KIF16B: variants seen among roughly 807,000 people sequenced by gnomAD.
The protein encoded by KIF16B is kinesin family member 16B.
KIF16B carries 98 observed loss-of-function variants against 156.3 expected under a neutral mutation model. The ratio of observed to expected loss-of-function variants is 0.63; its 90% confidence interval spans 0.53 to 0.74. KIF16B has a LOEUF of 0.74. KIF16B is among the 30% of genes least tolerant of loss of function. The pLI, the probability that KIF16B is intolerant of heterozygous loss-of-function variation, is 0.00. For missense variants in KIF16B, 1,421 were observed against 1,606.5 expected (o/e 0.88, Z 1.97); for synonymous variants, 564 against 583.7 (o/e 0.97, Z 0.49).
In KIF16B at chr20:16,273,001, T is replaced by C; in HGVS notation, c.*252A>G. 1 of 439,134 alleles carries C rather than the reference T, an allele frequency of 2.3e-6. No homozygotes were observed. The highest frequency in any genetic ancestry group is 3.8e-5 in the Admixed American group (1 of 26,458). The allele number at this position is 439,134 out of a possible 1,614,324, so 27.2% of individuals were successfully genotyped here. ...GCTGCGCAGTGAGAAGGAAGCACTG[T>C]GGGAAAAGGCCACGTTCAACCGCAA... On this transcript the variant is annotated 3_prime_UTR_variant, in exon 26 of 26. Coordinates refer to ENST00000354981, the MANE Select transcript of KIF16B (RefSeq NM_024704.5).
At chr20:16,562,449 G>C (rs937914307) in intron 1 of KIF16B, among the ~76,000 whole-genome samples, 1 of 152,300 alleles carries the variant, frequency 6.6e-6, no homozygotes, top group East Asian at 1.9e-4. Flanking sequence ...CCCAATAGGA[G>C]GATTGTCAAG....
chr20:16,461,388 C>G (rs956855769), intron 12 of KIF16B, among the ~76,000 whole-genome samples: 7 of 151,960 alleles, frequency 4.6e-5, no homozygotes, highest in Admixed American at 2.0e-4. Context: ...AAAAATAAAT[C>G]AACATGTAGA....
In KIF16B at chr20:16,512,858, T is replaced by C. The variant is rs761003725; in HGVS notation, c.414A>G (p.Arg138=). 1 of 1,613,940 alleles carries C rather than the reference T, an allele frequency of 6.2e-7. No individual in the cohort carries two copies. The highest frequency in any genetic ancestry group is 8.5e-7 in the Non-Finnish European group (1 of 1,179,812). Residue 138 remains arginine, a synonymous_variant, in exon 5 of 26, where the codon AGA becomes AGG. Transcript: ENST00000354981. The part of the protein sequence containing the change: ...GLFSRINETT[R]WDEASFRTEV... ...CAGTTCGAAAAGAAGCTTCATCCCA[T>C]CTGGTGGTTTCATTTATCCGACTGA...
intron 23 of KIF16B, among the ~76,000 whole-genome samples, chr20:16,355,027 T>G (rs919948465): frequency 1.8e-5 from 2 of 112,758 alleles, no homozygotes; most frequent in East Asian, 2.0e-4. Flanking sequence ...TGATGCCCTG[T>G]TTTTTTTTTT....
At chr20:16,515,087 A>G (rs1600596066) in intron 4 of KIF16B, among the ~76,000 whole-genome samples, 1 of 152,020 alleles carries the variant, frequency 6.6e-6, no homozygotes, top group East Asian at 1.9e-4. Flanking sequence ...AATTATATAA[A>G]CTATATAATT....
intron 24 of KIF16B, among the ~76,000 whole-genome samples, chr20:16,323,302 T>C (rs1042087928): frequency 1.3e-5 from 2 of 151,998 alleles, no homozygotes; most frequent in African/African-American, 2.4e-5. Flanking sequence ...CCCACCTACA[T>C]GGTAACTAGC....
At chr20:16,467,965 CAAAG>C (rs1019245615) in intron 12 of KIF16B, among the ~76,000 whole-genome samples, 2 of 151,812 alleles carry the variant, frequency 1.3e-5, no homozygotes, top group African/African-American at 4.8e-5. Context: ...AAAACAGAAA[CAAAG>C]AACAAGATAA....
chr20:16,399,277 G>A (rs2065589763), intron 17 of KIF16B, among the ~76,000 whole-genome samples: 2 of 152,126 alleles, frequency 1.3e-5, no homozygotes. Flanking sequence ...TGGGAGCACA[G>A]GTCTGGGGTG....
rs987911744 is a variant in KIF16B at position 16,405,032 on chromosome 20, C to A, written c.1696-131G>T. On this transcript the variant is annotated intron_variant, in intron 16 of 25. Coordinates refer to ENST00000354981, the MANE Select transcript of KIF16B (RefSeq NM_024704.5). Reference sequence around the variant, plus strand: ...CCTAATTAACACGCACCACAATTAACTGGTCTATCTGAGGAAAGCAGATCA... The same window carrying A: ...CCTAATTAACACGCACCACAATTAAATGGTCTATCTGAGGAAAGCAGATCA... 19 of 655,888 alleles carry A rather than the reference C, an allele frequency of 2.9e-5. No individual in the cohort carries two copies. The African/African-American group carries it at 3.2e-4, about 11-fold the overall frequency. The allele number at this position is 655,888 out of a possible 1,614,324, so 40.6% of individuals were successfully genotyped here.
At chr20:16,338,266 C>T (rs966172001) in intron 23 of KIF16B, among the ~76,000 whole-genome samples, 18 of 152,242 alleles carry the variant, frequency 1.2e-4, no homozygotes, top group Admixed American at 4.6e-4. Context: ...GGATGGCGGT[C>T]GATACTCTTG....
intron 22 of KIF16B, chr20:16,368,001 T>C (rs2064719479): frequency 7.0e-7 from 1 of 1,425,344 alleles, no homozygotes; most frequent in Non-Finnish European, 9.1e-7. Context: ...CCAAAGCATA[T>C]AAAGTTGACT....
rs1417845272 is a variant in KIF16B, at chr20:16,434,231, G to A, written c.1303-4249C>T. Among the ~76,000 whole-genome samples, 3 of 152,174 alleles carry A rather than the reference G, an allele frequency of 2.0e-5. No homozygotes were observed. The East Asian group carries it at 5.8e-4, about 29-fold the overall frequency. ...GAATTTAAAACACATGCCCTTTGCTGGGACTCTCACAGACTCACTTCTGCC... is the reference window on the plus strand; with the variant it reads ...GAATTTAAAACACATGCCCTTTGCTAGGACTCTCACAGACTCACTTCTGCC... On this transcript the variant is annotated intron_variant, in intron 12 of 25. Coordinates refer to ENST00000354981, the MANE Select transcript of KIF16B (RefSeq NM_024704.5).
chr20:16,504,976 C>T (rs942982652), intron 9 of KIF16B, among the ~76,000 whole-genome samples: 2 of 152,112 alleles, frequency 1.3e-5, no homozygotes, highest in African/African-American at 4.8e-5. Flanking sequence ...ACAAATCTAT[C>T]CATTCTCTTC....
intron 24 of KIF16B, among the ~76,000 whole-genome samples, chr20:16,334,051 C>T (rs545986541): frequency 3.3e-5 from 5 of 152,318 alleles, no homozygotes; most frequent in African/African-American, 1.2e-4. Flanking sequence ...TCTTGTCTGT[C>T]ACAGTCTTAC....
At chr20:16,564,723 C>A (rs35610860) in intron 1 of KIF16B, among the ~76,000 whole-genome samples, 1 of 151,676 alleles carries the variant, frequency 6.6e-6, no homozygotes, top group African/African-American at 2.4e-5. Context: ...CTTAGATGAA[C>A]GGAAATGAGG....
chr20:16,373,999 A>G (rs1005919747), intron 20 of KIF16B, among the ~76,000 whole-genome samples: 6 of 152,204 alleles, frequency 3.9e-5, no homozygotes, highest in African/African-American at 1.4e-4. Context: ...TCCTCTGCAG[A>G]TATCAAGGGA....
chr20:16,536,455 T>G (rs973263846), intron 1 of KIF16B, among the ~76,000 whole-genome samples: 1 of 152,170 alleles, frequency 6.6e-6, no homozygotes, highest in Non-Finnish European at 1.5e-5. Flanking sequence ...TTAACAACAA[T>G]GTATTGTGGT....
In KIF16B at chr20:16,288,629, G is replaced by A. The variant is rs947835372; in HGVS notation, c.3796-15218C>T. 2.0e-3 allele frequency among the ~76,000 whole-genome samples: 297 copies of A among 149,350 alleles called. 1 individual carries two copies. Among genetic ancestry groups the A allele is most frequent in the African/African-American group, 7.1e-3 (283 of 40,038 alleles). On this transcript the variant is annotated intron_variant, in intron 25 of 25. Transcript: ENST00000354981. Reference sequence around the variant, plus strand: ...AAGTGGAAGAGCATCTGTATGGTATGTACCTTAGTAAACACAGTATGTACT... The same window carrying A: ...AAGTGGAAGAGCATCTGTATGGTATATACCTTAGTAAACACAGTATGTACT...
chr20:16,470,278 T>C (rs1390202048), intron 12 of KIF16B, among the ~76,000 whole-genome samples: 2 of 152,172 alleles, frequency 1.3e-5, no homozygotes, highest in Non-Finnish European at 2.9e-5. Flanking sequence ...TTTATACATT[T>C]GTCAAAATTC....
Sources: allele counts gnomAD v4.1 joint callset (sites outside exome capture counted in the v4.1 genomes callset), GRCh38; gene constraint gnomAD v4.1.1; transcripts MANE v1.5; gene names NCBI Gene and HGNC (gene_info 2026-07-23, HGNC 2026-07-21).